Variants in TBCK observed in about 807,000 individuals in gnomAD.
TBCK encodes the protein TBC domain-containing protein kinase-like protein.
TBCK carries 99 observed loss-of-function variants against 113.4 expected under a neutral mutation model. The ratio of observed to expected loss-of-function variants is 0.87; its 90% CI spans 0.74 to 1.03. The LOEUF (loss-of-function observed/expected upper bound fraction) is 1.03. Among genes scored for constraint, TBCK ranks in the 50% least tolerant of loss-of-function variants. The probability of loss-of-function intolerance (pLI) is 0.00; values close to 1 mark genes in which losing one functional copy is unlikely to be tolerated. For synonymous variants in TBCK, 369 were observed against 370.8 expected, an observed-to-expected ratio of 1.00 and a Z score of 0.05; for missense variants, 1,045 against 1,061.3, an observed-to-expected ratio of 0.98 and a Z score of 0.21.
chr4:106,256,250 G>GC (rs1181570511), intron 5 of TBCK, among the ~76,000 whole-genome samples: 1 of 152,132 alleles, frequency 6.6e-6, no homozygotes, highest in African/African-American at 2.4e-5. Flanking sequence ...CCAGGGACCT[G>GC]CCCCCTTCTA....
At chr4:106,248,361 C>A in intron 8 of TBCK, 55 bp from the exon 9 acceptor site, 1 of 1,237,128 alleles carries the variant, frequency 8.1e-7, no homozygotes, top group East Asian at 2.6e-5. Flanking sequence ...TAGAAATATA[C>A]TTTATTCAAA....
chr4:106,176,785 T>G (rs1332797766), intron 22 of TBCK, among the ~76,000 whole-genome samples: 1 of 151,982 alleles, frequency 6.6e-6, no homozygotes, highest in African/African-American at 2.4e-5. Flanking sequence ...TATACTAATT[T>G]ACATTCCCAC....
intron 23 of TBCK, among the ~76,000 whole-genome samples, chr4:106,169,340 AACAG>A (rs1349374552): frequency 9.9e-5 from 15 of 152,248 alleles, no homozygotes; most frequent in African/African-American, 3.6e-4. Context: ...TTGGCAAAAG[AACAG>A]ACAAACATCA....
chr4:106,185,313 A>G lies in TBCK; in HGVS notation c.2059+8296T>C, dbSNP rs1260723245. 3.9e-5 allele frequency among the ~76,000 whole-genome samples: 6 copies of G among 152,056 alleles called. No individual in the cohort carries two copies. The East Asian group carries it at 5.8e-4, about 15-fold the overall frequency. On this transcript the variant is annotated intron_variant, in intron 22 of 25. Transcript: ENST00000394708. Reference sequence around the variant, plus strand: ...CTATCTAGTCTATGTGTATGTGTCCATATGTCTAGTGTATGTGTGTGGTAA... The same window carrying G: ...CTATCTAGTCTATGTGTATGTGTCCGTATGTCTAGTGTATGTGTGTGGTAA...
chr4:106,155,839 C>T (rs942976300), intron 23 of TBCK, among the ~76,000 whole-genome samples: 3 of 152,062 alleles, frequency 2.0e-5, no homozygotes, highest in Admixed American at 6.6e-5. Context: ...GTTTGAATTT[C>T]GAGTCTAAAA....
At chr4:106,278,999 C>G (rs1049837091) in intron 3 of TBCK, among the ~76,000 whole-genome samples, 1 of 152,212 alleles carries the variant, frequency 6.6e-6, no homozygotes, top group Admixed American at 6.5e-5. Flanking sequence ...TACCCTCACA[C>G]TTTATTATTT....
chr4:106,302,790 T>A (rs2125874800), intron 2 of TBCK, among the ~76,000 whole-genome samples: 1 of 152,330 alleles, frequency 6.6e-6, no homozygotes, highest in East Asian at 1.9e-4. Context: ...TAAGGGCTGT[T>A]GAAGTATACA....
chr4:106,205,181 G>A (rs1229839369), intron 20 of TBCK, among the ~76,000 whole-genome samples: 3 of 152,072 alleles, frequency 2.0e-5, no homozygotes, highest in South Asian at 2.1e-4. Flanking sequence ...GAAATTGGTC[G>A]GTTCCCAATA....
intron 1 of TBCK, 35 bp from the exon 2 acceptor site, chr4:106,309,024 A>C: frequency 7.0e-7 from 1 of 1,429,154 alleles, no homozygotes; most frequent in South Asian, 1.4e-5. Flanking sequence ...CAGACCAAAC[A>C]TTAAGCCAGA....
chr4:106,083,009 C>G (rs181372770), intron 25 of TBCK, among the ~76,000 whole-genome samples: 2 of 152,342 alleles, frequency 1.3e-5, no homozygotes, highest in Admixed American at 1.3e-4. Context: ...AGCGTCCCAA[C>G]CCTAGAATGT....
rs144909403 is a variant in TBCK, at chr4:106,096,537, G to A, written c.2412-896C>T. On this transcript the variant is annotated intron_variant, in intron 24 of 25. Coordinates refer to ENST00000394708, the MANE Select transcript of TBCK (RefSeq NM_001163435.3). ...AGCAAAAGCAATACAAATCTATCCT[G>A]GTGAAATGCTGTAGCAGACATGTTT... Among the ~76,000 whole-genome samples the A allele has an allele frequency of 5.5e-3, 840 of 152,166 alleles. 10 individuals are homozygous for A. Among genetic ancestry groups the A allele is most frequent in the African/African-American group, 0.02 (811 of 41,498 alleles).
intron 3 of TBCK, among the ~76,000 whole-genome samples, chr4:106,279,563 A>G (rs1764373166): frequency 6.6e-6 from 1 of 152,088 alleles, no homozygotes; most frequent in Admixed American, 6.6e-5. Context: ...CATTCTAATT[A>G]TGTTTTTGTA....
chr4:106,134,865 C>G (rs940017904), intron 23 of TBCK, among the ~76,000 whole-genome samples: 1 of 152,130 alleles, frequency 6.6e-6, no homozygotes, highest in Non-Finnish European at 1.5e-5. Flanking sequence ...ACCTTCTTGA[C>G]TTTTCTTTCC....
chr4:106,195,492 T>G (rs11097920), intron 20 of TBCK, among the ~76,000 whole-genome samples: 2,344 of 149,014 alleles, frequency 0.016, 22 homozygotes, highest in Non-Finnish European at 0.024. Flanking sequence ...ATGTGTGTGT[T>G]TGTGTGTGTG....
At chr4:106,259,345 C>T (rs990179512) in intron 5 of TBCK, among the ~76,000 whole-genome samples, 2 of 151,624 alleles carry the variant, frequency 1.3e-5, no homozygotes, top group African/African-American at 2.4e-5. Flanking sequence ...TTCTCAGTAA[C>T]GGTGTGATAG....
In TBCK at chr4:106,250,694, A is replaced by C. The variant is rs189345553; in HGVS notation, c.598-216T>G. Among the ~76,000 whole-genome samples, 4 of 152,104 alleles carry C rather than the reference A, an allele frequency of 2.6e-5. No homozygotes were observed. The East Asian group carries it at 7.7e-4, about 29-fold the overall frequency. On this transcript the variant is annotated intron_variant, in intron 6 of 25. Transcript: ENST00000394708. Reference sequence around the variant, plus strand: ...ATAATAGTTATCATTTAAACATTTTATACATCTAAGGGTCATTACATTCTA... The same window carrying C: ...ATAATAGTTATCATTTAAACATTTTCTACATCTAAGGGTCATTACATTCTA...
intron 5 of TBCK, among the ~76,000 whole-genome samples, chr4:106,256,760 A>C (rs1240225514): frequency 1.3e-5 from 2 of 152,208 alleles, no homozygotes; most frequent in African/African-American, 4.8e-5. Context: ...AGCCGGCATC[A>C]TGGTAGTGGC....
At chr4:106,239,044 C>A (rs537479950) in intron 12 of TBCK, among the ~76,000 whole-genome samples, 3 of 152,124 alleles carry the variant, frequency 2.0e-5, no homozygotes, top group South Asian at 4.2e-4. Context: ...TGGAAAGTAA[C>A]CAATCTGAAA....
chr4:106,073,837 C>T (rs996608629), intron 25 of TBCK, among the ~76,000 whole-genome samples: 1 of 152,238 alleles, frequency 6.6e-6, no homozygotes, highest in Non-Finnish European at 1.5e-5. Context: ...ACTCTTCCCC[C>T]AGCTAGGCTG....
Sources: gnomAD v4.1 joint callset for allele counts (sites outside exome capture counted in the v4.1 genomes callset) on GRCh38, gnomAD v4.1.1 for gene constraint, MANE v1.5 for transcripts, NCBI Gene and HGNC (gene_info 2026-07-23, HGNC 2026-07-21) for gene names.